The following SYNE1 variants were observed in gnomAD, a reference collection of about 807,000 sequenced individuals.
SYNE1 encodes spectrin repeat containing nuclear envelope protein 1.
Under a neutral mutation model 1,111.0 loss-of-function variants are expected in SYNE1, and 616 were observed. That is an observed-to-expected ratio of 0.55 (90% CI 0.52 to 0.59). The LOEUF is 0.59. Among genes scored for constraint, SYNE1 ranks in the 20% least tolerant of loss-of-function variants. SYNE1 has a pLI of 0.00. For missense variants in SYNE1, 10,006 were observed against 10,417.0 expected, an observed-to-expected ratio of 0.96 and a Z score of 1.72; for synonymous variants, 3,855 against 3,825.8, an observed-to-expected ratio of 1.01 and a Z score of -0.28.
intron 145 of SYNE1, chr6:152,127,978 A>C (rs780161266): frequency 6.6e-6 from 1 of 152,180 alleles, no homozygotes; most frequent in Non-Finnish European, 1.5e-5. Flanking sequence ...CCAGAGACCT[A>C]AGGTGCCCAA....
chr6:152,364,218 T>C (rs973247686), intron 63 of SYNE1, among the ~76,000 whole-genome samples: 2 of 152,158 alleles, frequency 1.3e-5, no homozygotes, highest in African/African-American at 4.8e-5. Context: ...ATTGTAAGTT[T>C]CCTGAGGCCT....
At chr6:152,352,476 C>G (rs2096758903) in intron 69 of SYNE1, 123 bp from the exon 70 acceptor site, 1 of 1,018,564 alleles carries the variant, frequency 9.8e-7, no homozygotes, top group African/African-American at 1.6e-5. Context: ...AATCTTGGCT[C>G]ACTGCAACTT....
chr6:152,337,102 G>A (rs1198653487), intron 75 of SYNE1, 85 bp from the exon 76 acceptor site: 2 of 1,392,878 alleles, frequency 1.4e-6, no homozygotes, highest in Non-Finnish European at 2.0e-6. Context: ...TTTCCAGCTG[G>A]CCTGTGCACT....
At position 152,462,854 on chromosome 6, in the gene SYNE1, C is replaced by T. The variant is rs763000229; in HGVS notation, c.2134G>A (p.Glu712Lys). Residue 712 changes from glutamate (E) to lysine (K), a missense_variant, in exon 20 of 146, where the codon GAA becomes AAA. Around this residue, in one of 7 missense-constraint regions of SYNE1, gnomAD observed 1,971 missense variants for 2,084.1 expected, o/e 0.95. Coordinates refer to ENST00000367255, the MANE Select transcript of SYNE1 (RefSeq NM_182961.4). Reference protein sequence around the residue: ...QADEMDRMKKEYTDCVVTLSA... With the variant: ...QADEMDRMKKKYTDCVVTLSA... ...AGGGTAACAACACAGTCTGTGTATT[C>T]CTTCTTCATTCTGTCCATCTCATCA... is the stretch of plus-strand genomic sequence containing the variant. 6.2e-7 allele frequency: 1 copy of T among 1,613,962 alleles called. No homozygotes were observed. Among genetic ancestry groups the T allele is most frequent in the Non-Finnish European group, 8.5e-7 (1 of 1,179,934 alleles).
chr6:152,399,519 A>C (rs1043307355), intron 48 of SYNE1, 97 bp downstream of exon 48: 1 of 1,427,616 alleles, frequency 7.0e-7, no homozygotes, highest in Admixed American at 1.7e-5. Flanking sequence ...CACCCTGGAA[A>C]GTTTCCTCAA....
rs71705314 is a variant in SYNE1 at position 152,607,420 on chromosome 6, ATT to A, written c.67+20843_67+20844del. 2.0e-5 allele frequency among the ~76,000 whole-genome samples: 3 copies of A among 149,640 alleles called. No homozygotes were observed. The South Asian group carries it at 6.3e-4, about 32-fold the overall frequency. Reference sequence around the variant, plus strand: ...GCAACAGAAAAAAACTGATGTCAAGATTTTTTTTTTTCATGTTTGTTGGCCAA... The same window carrying A: ...GCAACAGAAAAAAACTGATGTCAAGATTTTTTTTTCATGTTTGTTGGCCAA... On this transcript the variant is annotated intron_variant, in intron 3 of 145. Coordinates refer to ENST00000367255, the MANE Select transcript of SYNE1 (RefSeq NM_182961.4).
At chr6:152,368,920 C>T (rs781639545) in intron 61 of SYNE1, 52 bp downstream of exon 61, 8 of 1,613,170 alleles carry the variant, frequency 5.0e-6, no homozygotes, top group Non-Finnish European at 6.8e-6. Flanking sequence ...GCTGCAACTC[C>T]AATTTTGCGA....
chr6:152,413,428 A>G lies in SYNE1; in HGVS notation c.6154T>C (p.Phe2052Leu), dbSNP rs147511500. 3.1e-6 allele frequency: 5 copies of G among 1,614,004 alleles called. No homozygotes were observed. The highest frequency in any genetic ancestry group is 4.2e-6 in the Non-Finnish European group (5 of 1,180,016). The change falls in exon 42 of 146, where the codon TTT becomes CTT. Residue 2052 changes from phenylalanine to leucine, a missense_variant. By Grantham distance (22) the Phe-to-Leu change is conservative. Transcript: ENST00000367255. ...AKQIAQKDVA[F>L]APEVDREINR... ...ATCTCCCTGTCAACTTCAGGTGCAA[A>G]AGCTACATCTTTCTGGGCAATTTGC...
intron 14 of SYNE1, among the ~76,000 whole-genome samples, chr6:152,477,942 T>G (rs1317504447): frequency 6.6e-6 from 1 of 152,180 alleles, no homozygotes; most frequent in Admixed American, 6.5e-5. Context: ...TTTATTTTTA[T>G]TTTTTGTAGA....
chr6:152,169,879 G>A (rs982740920), intron 130 of SYNE1, among the ~76,000 whole-genome samples: 1 of 151,720 alleles, frequency 6.6e-6, no homozygotes, highest in Non-Finnish European at 1.5e-5. Flanking sequence ...TAAAGATATT[G>A]TACTGTGAAT....
intron 93 of SYNE1, among the ~76,000 whole-genome samples, chr6:152,297,832 C>T (rs1248628751): frequency 6.9e-6 from 1 of 145,882 alleles, no homozygotes; most frequent in Admixed American, 6.9e-5. Context: ...TGCGCGCGCA[C>T]GTGGCTCATG....
chr6:152,283,889 T>C, intron 96 of SYNE1, 89 bp downstream of exon 96: 1 of 1,119,354 alleles, frequency 8.9e-7, no homozygotes, highest in East Asian at 2.4e-5. Context: ...GCAATGAAAA[T>C]GTAAATACGT....
At chr6:152,322,473 C>A (rs1049842340) in intron 82 of SYNE1, among the ~76,000 whole-genome samples, 3 of 151,922 alleles carry the variant, frequency 2.0e-5, no homozygotes, top group Non-Finnish European at 4.4e-5. Context: ...ATATTTTTTT[C>A]TCTGGCCCAA....
chr6:152,195,728 C>T (rs971765470), intron 127 of SYNE1, among the ~76,000 whole-genome samples: 1 of 152,156 alleles, frequency 6.6e-6, no homozygotes, highest in African/African-American at 2.4e-5. Flanking sequence ...CTGTGGATCC[C>T]CCACCACTAC....
intron 13 of SYNE1, 34 bp downstream of exon 13, chr6:152,484,801 T>G (rs770042991): frequency 6.2e-7 from 1 of 1,609,794 alleles, no homozygotes; most frequent in South Asian, 1.1e-5. Flanking sequence ...CTAAATTTAT[T>G]AAGCTCAGTA....
chr6:152,609,790 A>G (rs533671479), intron 3 of SYNE1, among the ~76,000 whole-genome samples: 231 of 152,286 alleles, frequency 1.5e-3, no homozygotes, highest in Non-Finnish European at 2.6e-3. Flanking sequence ...ATCAGGCAGC[A>G]GTATTTGCTC....
At chr6:152,141,931 C>T (rs895831901) in intron 138 of SYNE1, among the ~76,000 whole-genome samples, 11 of 151,926 alleles carry the variant, frequency 7.2e-5, no homozygotes, top group South Asian at 4.2e-4. Context: ...ATGAGCCAGG[C>T]GTGGTGGTGA....
intron 3 of SYNE1, among the ~76,000 whole-genome samples, chr6:152,561,853 C>T (rs969038657): frequency 8.5e-5 from 13 of 152,132 alleles, no homozygotes; most frequent in Non-Finnish European, 1.9e-4. Flanking sequence ...AACTGGCTAT[C>T]CACATGCAAA....
At chr6:152,411,717 ACACACACACACCCC>A (rs2098049271) in intron 42 of SYNE1, among the ~76,000 whole-genome samples, 1 of 117,756 alleles carries the variant, frequency 8.5e-6, no homozygotes, top group Non-Finnish European at 1.7e-5. Flanking sequence ...AGTCACACAC[ACACACACACACCCC>A]CACACACACA....
Sources: allele counts gnomAD v4.1 joint callset (sites outside exome capture counted in the v4.1 genomes callset), GRCh38; gene constraint gnomAD v4.1.1; regional missense constraint gnomAD v4.1.1; transcripts MANE v1.5; gene names NCBI Gene and HGNC (gene_info 2026-07-23, HGNC 2026-07-21).